Variants in EPHA10 observed in about 807,000 individuals in gnomAD.
EPHA10 encodes the protein EPH receptor A10.
A neutral mutation model predicts 109.7 loss-of-function variants in EPHA10; 120 were observed. The observed-to-expected ratio is 1.09, with a 90% CI of 0.94 to 1.27. The LOEUF (loss-of-function observed/expected upper bound fraction) is 1.27. EPHA10 is among the 50% of genes most tolerant of loss of function. The probability of loss-of-function intolerance (pLI) is 0.00; values close to 1 mark genes in which losing one functional copy is unlikely to be tolerated. For synonymous variants in EPHA10, 640 were observed against 618.9 expected, an observed-to-expected ratio of 1.03 and a Z score of -0.51; for missense variants, 1,396 against 1,411.1, an observed-to-expected ratio of 0.99 and a Z score of 0.17.
chr1:37,742,581 G>GGGGTCTTGCTTGAGGC (rs1207114017), intron 5 of EPHA10, among the ~76,000 whole-genome samples: 1 of 133,910 alleles, frequency 7.5e-6, no homozygotes, highest in African/African-American at 2.6e-5. Context: ...GATGAGAATG[G>GGGGTCTTGCTTGAGGC]CAGAGTGGAC....
At chr1:37,759,663 G>A (rs897801636) in intron 3 of EPHA10, among the ~76,000 whole-genome samples, 1 of 152,084 alleles carries the variant, frequency 6.6e-6, no homozygotes, top group Non-Finnish European at 1.5e-5. Context: ...GGTCCCTATA[G>A]TCCCACCTAC....
chr1:37,720,906 T>C, intron 11 of EPHA10, 62 bp from the exon 12 acceptor site: 2 of 1,568,224 alleles, frequency 1.3e-6, no homozygotes. Context: ...CGCACACAAG[T>C]TTCCCCCCCA....
At chr1:37,727,461 C>T (rs761201375) in intron 7 of EPHA10, among the ~76,000 whole-genome samples, 42 of 152,284 alleles carry the variant, frequency 2.8e-4, no homozygotes, top group Non-Finnish European at 3.7e-4. Flanking sequence ...GGCAGGAGTC[C>T]AGACAGGCAG....
In EPHA10 at chr1:37,719,838, C is replaced by A. The variant is rs1569619894; in HGVS notation, c.2562+71G>T. On this transcript the variant is annotated intron_variant, in intron 14 of 16. Coordinates refer to ENST00000373048, the MANE Select transcript of EPHA10 (RefSeq NM_001099439.2). ...GGCAGGAAGATTGAGGGCCAACGGG[C>A]AGAGGTCAGGAAGCTGGGGCCTGAG... is the stretch of plus-strand genomic sequence containing the variant. 3 of 1,610,500 alleles carry A rather than the reference C, an allele frequency of 1.9e-6. No homozygotes were observed. The East Asian group carries it at 6.7e-5, about 36-fold the overall frequency.
In EPHA10 at chr1:37,764,502, C is replaced by T. The variant is rs181648259; in HGVS notation, c.106+459G>A. 6.6e-6 allele frequency among the ~76,000 whole-genome samples: 1 copy of T among 152,352 alleles called. No individual in the cohort carries two copies. The highest frequency in any genetic ancestry group is 1.9e-4 in the East Asian group (1 of 5,174). The stretch of plus-strand genomic sequence containing the variant: ...CATGATCAGCACGTCGGGCAGCGCC[C>T]GGATCCAGCCCCCTCGACCAGCATT... On this transcript the variant is annotated intron_variant, in intron 1 of 16. Transcript: ENST00000373048. This position sits in a 1 kb window ranked among gnomAD's most constrained non-coding sequence, Gnocchi z 5.8.
At chr1:37,724,368 G>A (rs1237246092) in intron 8 of EPHA10, among the ~76,000 whole-genome samples, 1 of 152,228 alleles carries the variant, frequency 6.6e-6, no homozygotes, top group Non-Finnish European at 1.5e-5. Flanking sequence ...TTCGACGTGT[G>A]TGTGTGTGTC....
chr1:37,740,698 C>T (rs1024832922), intron 5 of EPHA10, among the ~76,000 whole-genome samples: 1 of 152,064 alleles, frequency 6.6e-6, no homozygotes. Context: ...CAGCAGCATA[C>T]ACACACATAC....
chr1:37,743,377 G>C (rs1181391116), intron 5 of EPHA10, among the ~76,000 whole-genome samples: 5 of 152,146 alleles, frequency 3.3e-5, no homozygotes, highest in Non-Finnish European at 1.5e-5. Context: ...AAAAAGAAAC[G>C]AGATGAGATA....
chr1:37,720,460 T>C lies in EPHA10; in HGVS notation c.2303A>G (p.His768Arg), dbSNP rs1294463677. ...CACATGGCGAGCTGCCAGGCCCCGG[T>C]GAACGTAGCCCATCTCTGACAGATA... is the stretch of plus-strand genomic sequence containing the variant. ...MKYLSEMGYVHRGLAARHVLV... is the reference protein window; with the variant it reads ...MKYLSEMGYVRRGLAARHVLV... Residue 768 changes from histidine (H) to arginine (R), a missense_variant, in exon 13 of 17, where the codon CAC becomes CGC. Transcript: ENST00000373048. 1.2e-6 allele frequency: 2 copies of C among 1,613,582 alleles called. No homozygotes were observed. Among genetic ancestry groups the C allele is most frequent in the African/African-American group, 2.7e-5 (2 of 75,046 alleles).
At chr1:37,760,065 A>T (rs1359052983) in intron 3 of EPHA10, among the ~76,000 whole-genome samples, 2 of 152,208 alleles carry the variant, frequency 1.3e-5, no homozygotes, top group African/African-American at 4.8e-5. Context: ...TTCATATTGG[A>T]TGGATGATTG....
intron 15 of EPHA10, 70 bp downstream of exon 15, chr1:37,719,344 T>A: frequency 6.5e-7 from 1 of 1,547,614 alleles, no homozygotes; most frequent in Non-Finnish European, 8.8e-7. Flanking sequence ...GCGGTGGGTT[T>A]GCACTTGCAA....
In EPHA10 at chr1:37,764,858, C is replaced by T; in HGVS notation, c.106+103G>A. The T allele has an allele frequency of 1.9e-6, 2 of 1,026,478 alleles. No homozygotes were observed. Among genetic ancestry groups the T allele is most frequent in the Non-Finnish European group, 2.8e-6 (2 of 705,666 alleles). The allele number at this position is 1,026,478 out of a possible 1,614,324, so 63.6% of individuals were successfully genotyped here. On this transcript the variant is annotated intron_variant, in intron 1 of 16. Transcript: ENST00000373048. The surrounding 1 kb of genome is among the most constrained non-coding windows in gnomAD (Gnocchi z 5.8). The stretch of plus-strand genomic sequence containing the variant: ...TGCCTGCTTGCTTCAAGCCCCAATA[C>T]AGACTCTAGTCTCTCCAATGACTCC...
intron 5 of EPHA10, among the ~76,000 whole-genome samples, chr1:37,742,087 G>A (rs778426282): frequency 5.9e-5 from 9 of 152,196 alleles, no homozygotes; most frequent in Non-Finnish European, 1.0e-4. Context: ...TCTCAGCTCC[G>A]AAGAGATAAT....
At chr1:37,731,688 T>C in intron 6 of EPHA10, 106 bp from the exon 7 acceptor site, 1 of 1,312,804 alleles carries the variant, frequency 7.6e-7, no homozygotes, top group South Asian at 1.6e-5. Context: ...CTTACGTGAA[T>C]GTGGGCTGAG....
chr1:37,727,195 C>T lies in EPHA10; in HGVS notation c.1679G>A (p.Arg560Lys). ...QTLGEAASGSRDQSPAIVVTV... is the reference protein window; with the variant it reads ...QTLGEAASGSKDQSPAIVVTV... ...GACGACAATGGCGGGGCTCTGGTCCCTGGACCCTGAGGCAGCTGGGAGGAA... is the reference window on the plus strand; with the variant it reads ...GACGACAATGGCGGGGCTCTGGTCCTTGGACCCTGAGGCAGCTGGGAGGAA... Residue 560 changes from arginine to lysine, a missense_variant, in exon 8 of 17, where the codon AGG (arginine) becomes AAG (lysine). By Grantham distance (26) the Arg-to-Lys change is conservative. Transcript: ENST00000373048. The T allele has an allele frequency of 6.2e-7, 1 of 1,606,000 alleles. No individual in the cohort carries two copies. Among genetic ancestry groups the T allele is most frequent in the Admixed American group, 1.7e-5 (1 of 58,808 alleles).
chr1:37,720,813 C>T lies in EPHA10; in HGVS notation c.2178G>A (p.Met726Ile), dbSNP rs1203607038. Reference protein sequence around the residue: ...GSTLMIVTEYMSHGALDGFLR... With the variant: ...GSTLMIVTEYISHGALDGFLR... ...GGAAGCCGTCCAGGGCCCCATGGCT[C>T]ATGTACTCGGTGACAATCATCAAGG... is the stretch of plus-strand genomic sequence containing the variant. Residue 726 changes from methionine to isoleucine, a missense_variant, in exon 12 of 17, where the codon ATG (methionine) becomes ATA (isoleucine). By Grantham distance (10) the Met-to-Ile change is conservative. Coordinates refer to ENST00000373048, the MANE Select transcript of EPHA10 (RefSeq NM_001099439.2). 5 of 1,614,106 alleles carry T rather than the reference C, an allele frequency of 3.1e-6. No individual in the cohort carries two copies. The Admixed American group carries it at 8.3e-5, about 27-fold the overall frequency.
At chr1:37,724,766 G>A (rs1016617472) in intron 8 of EPHA10, among the ~76,000 whole-genome samples, 2 of 152,214 alleles carry the variant, frequency 1.3e-5, no homozygotes, top group African/African-American at 2.4e-5. Flanking sequence ...GCAGGGTGTT[G>A]ACAGCCTGGG....
At position 37,719,427 on chromosome 1, in the gene EPHA10, T is replaced by C. The variant is rs755956421; in HGVS notation, c.2743A>G (p.Thr915Ala). 8 of 1,612,912 alleles carry C rather than the reference T, an allele frequency of 5.0e-6. No homozygotes were observed. Among genetic ancestry groups the C allele is most frequent in the Non-Finnish European group, 4.2e-6 (5 of 1,179,898 alleles). Residue 915 changes from threonine (T) to alanine (A), a missense_variant, in exon 15 of 17, where the codon ACT (threonine) becomes GCT (alanine). Transcript: ENST00000373048. ...GTGGGAACGTACCTGGGACAGGTAG[T>C]CAGGGCACACTTGGGGGGCTCTGGG... ...QDPEPPKCALTTCPRPPTPLA... is the reference protein window; with the variant it reads ...QDPEPPKCALATCPRPPTPLA...
Position 37,764,815 on chromosome 1 carries a change from G to A in EPHA10, c.106+146C>T. On this transcript the variant is annotated intron_variant, in intron 1 of 16. Transcript: ENST00000373048. This position sits in a 1 kb window ranked among gnomAD's most constrained non-coding sequence, Gnocchi z 5.8. ...CTACTGCTTGATCACATTTTTCTCT[G>A]TCTCTCCAGTTCTTTGCTGCCTGCT... is the stretch of plus-strand genomic sequence containing the variant. 3.3e-6 allele frequency: 2 copies of A among 615,210 alleles called. No individual in the cohort carries two copies. The highest frequency in any genetic ancestry group is 2.7e-6 in the Non-Finnish European group (1 of 373,374). 38.1% of individuals were successfully genotyped at this position (615,210 alleles called of 1,614,324 possible).
Sources: allele counts gnomAD v4.1 joint callset (sites outside exome capture counted in the v4.1 genomes callset), GRCh38; gene constraint gnomAD v4.1.1; non-coding constraint Gnocchi (gnomAD v3.1); transcripts MANE v1.5; gene names NCBI Gene and HGNC (gene_info 2026-07-23, HGNC 2026-07-21).